CUX2: variants seen among roughly 807,000 people sequenced by gnomAD.
The protein encoded by CUX2 is homeobox protein cut-like 2.
In CUX2, 40 loss-of-function variants were observed where a neutral mutation model predicts 144.8. The observed-to-expected ratio is 0.28, with a 90% confidence interval of 0.21 to 0.36. The LOEUF is 0.36. Among genes scored for constraint, CUX2 ranks in the 10% least tolerant of loss-of-function variants. The pLI is 1.00. For synonymous variants in CUX2, 827 were observed against 875.6 expected (o/e 0.94, Z 0.98); for missense variants, 1,615 against 1,994.0 (o/e 0.81, Z 3.62).
chr12:111,234,368 A>G (rs986215747), intron 3 of CUX2, among the ~76,000 whole-genome samples: 2 of 152,184 alleles, frequency 1.3e-5, no homozygotes, highest in Admixed American at 6.5e-5. Flanking sequence ...AGCTCCTACT[A>G]TGCATTCTTC....
In CUX2 at chr12:111,295,494, C is replaced by G. The variant is rs1450308194; in HGVS notation, c.637+85C>G. 8.5e-7 allele frequency: 1 copy of G among 1,179,512 alleles called. No individual in the cohort carries two copies. The highest frequency in any genetic ancestry group is 1.6e-5 in the African/African-American group (1 of 64,424). 73.1% of individuals were successfully genotyped at this position (1,179,512 alleles called of 1,614,324 possible). A position where few individuals can be genotyped will look rare whatever the true frequency, so the allele number is the denominator to read the frequency against. On this transcript the variant is annotated intron_variant, in intron 7 of 21. Transcript: ENST00000261726. This position sits in a 1 kb window ranked among gnomAD's most constrained non-coding sequence, Gnocchi z 5.0. The stretch of plus-strand genomic sequence containing the variant: ...ACGAGGGGTCACGGCTTGGGGTCTG[C>G]CACATCCAGGTGTTTTAGAATCAAG...
At chr12:111,227,113 C>T (rs541299438) in intron 3 of CUX2, among the ~76,000 whole-genome samples, 11 of 152,282 alleles carry the variant, frequency 7.2e-5, no homozygotes, top group African/African-American at 2.6e-4. Flanking sequence ...TTTATCTGGT[C>T]AGTAGATGTT....
At chr12:111,291,285 G>A (rs1885666466) in intron 4 of CUX2, 133 bp from the exon 5 acceptor site, 1 of 1,120,300 alleles carries the variant, frequency 8.9e-7, no homozygotes. Flanking sequence ...AGAGCAGAAA[G>A]TCCATGCTAC....
intron 1 of CUX2, among the ~76,000 whole-genome samples, chr12:111,139,931 C>A (rs536447292): frequency 6.6e-6 from 1 of 152,284 alleles, no homozygotes; most frequent in Non-Finnish European, 1.5e-5. Context: ...GCCGTGTGAC[C>A]TTGGGTAAGT....
At chr12:111,342,836 A>G (rs1024348515) in intron 21 of CUX2, among the ~76,000 whole-genome samples, 2 of 150,806 alleles carry the variant, frequency 1.3e-5, no homozygotes, top group African/African-American at 4.9e-5. Flanking sequence ...GTGCATGCCT[A>G]TAGTGTCAAC....
chr12:111,199,006 C>T (rs1227391705), intron 1 of CUX2, among the ~76,000 whole-genome samples: 5 of 152,108 alleles, frequency 3.3e-5, no homozygotes, highest in East Asian at 1.9e-4. Context: ...AGATGATTCA[C>T]GTTTTGAGCG....
At chr12:111,042,522 C>G (rs1177593961) in intron 1 of CUX2, among the ~76,000 whole-genome samples, 1 of 152,240 alleles carries the variant, frequency 6.6e-6, no homozygotes. Flanking sequence ...CTGCCACTTA[C>G]CAGCTGTGTG....
chr12:111,305,254 A>G (rs1399207367), intron 10 of CUX2, among the ~76,000 whole-genome samples: 1 of 152,172 alleles, frequency 6.6e-6, no homozygotes, highest in African/African-American at 2.4e-5. Context: ...GGTGAGATTC[A>G]TGATTCCTTA....
rs1476658465 is a variant in CUX2, at chr12:111,059,655, G to T, written c.63+25415G>T. Among the ~76,000 whole-genome samples the T allele has an allele frequency of 6.6e-6, 1 of 152,096 alleles. No individual in the cohort carries two copies. Among genetic ancestry groups the T allele is most frequent in the Admixed American group, 6.6e-5 (1 of 15,266 alleles). Reference sequence around the variant, plus strand: ...TGGCAGGAGCCAGATCACCTTGAGGGCTATGGTGAGGAGGTGGGATTGTTT... The same window carrying T: ...TGGCAGGAGCCAGATCACCTTGAGGTCTATGGTGAGGAGGTGGGATTGTTT... On this transcript the variant is annotated intron_variant, in intron 1 of 21. Coordinates refer to ENST00000261726, the MANE Select transcript of CUX2 (RefSeq NM_015267.4). The surrounding 1 kb of genome is among the most constrained non-coding windows in gnomAD (Gnocchi z 5.3).
At chr12:111,302,982 G>C (rs928221016) in intron 9 of CUX2, among the ~76,000 whole-genome samples, 6 of 151,456 alleles carry the variant, frequency 4.0e-5, no homozygotes, top group Non-Finnish European at 7.4e-5. Flanking sequence ...AGCACTTTGG[G>C]AAGCCAAGGC....
chr12:111,176,255 C>A (rs1878852948), intron 1 of CUX2, among the ~76,000 whole-genome samples: 2 of 151,664 alleles, frequency 1.3e-5, no homozygotes, highest in African/African-American at 4.8e-5. Flanking sequence ...CTATATTGCC[C>A]AGGCTGGTCT....
intron 1 of CUX2, among the ~76,000 whole-genome samples, chr12:111,120,398 T>A (rs750155818): frequency 6.0e-4 from 92 of 152,162 alleles, no homozygotes; most frequent in Admixed American, 1.6e-3. Context: ...TCAAATCACG[T>A]CTCCTTCCCC....
chr12:111,343,761 A>C (rs1888677946), intron 21 of CUX2, among the ~76,000 whole-genome samples: 1 of 152,216 alleles, frequency 6.6e-6, no homozygotes, highest in South Asian at 2.1e-4. Flanking sequence ...GTATAAACAC[A>C]TTATAAAATA....
intron 1 of CUX2, among the ~76,000 whole-genome samples, chr12:111,181,392 T>G (rs145080996): frequency 6.6e-6 from 1 of 152,366 alleles, no homozygotes; most frequent in Non-Finnish European, 1.5e-5. Flanking sequence ...GAGGCGCCGG[T>G]AATAATGCAC....
At chr12:111,250,508 T>C (rs1163353173) in intron 3 of CUX2, among the ~76,000 whole-genome samples, 1 of 152,134 alleles carries the variant, frequency 6.6e-6, no homozygotes, top group Non-Finnish European at 1.5e-5. Context: ...AAGCTCTAGA[T>C]TAAAATTGGA....
rs1227047616 is a variant in CUX2 at position 111,328,941 on chromosome 12, A to ATCTCTCTCTCTCTCTC, written c.2927-5481_2927-5466dup. Among the ~76,000 whole-genome samples, 43 of 28,992 alleles carry ATCTCTCTCTCTCTCTC rather than the reference A, an allele frequency of 1.5e-3. 6 individuals are homozygous for ATCTCTCTCTCTCTCTC. Among genetic ancestry groups the ATCTCTCTCTCTCTCTC allele is most frequent in the East Asian group, 9.1e-3 (2 of 220 alleles). 19.0% of individuals were successfully genotyped at this position (28,992 alleles called of 152,430 possible). On this transcript the variant is annotated intron_variant, in intron 18 of 21. Coordinates refer to ENST00000261726, the MANE Select transcript of CUX2 (RefSeq NM_015267.4). ...CACTCTGCATTTTTTTGATTCACCT[A>ATCTCTCTCTCTCTCTC]TCTCTCTCTCTCTCTCTCTCTCTCT...
chr12:111,244,290 C>T (rs1012760658), intron 3 of CUX2, among the ~76,000 whole-genome samples: 2 of 152,230 alleles, frequency 1.3e-5, no homozygotes, highest in Admixed American at 6.5e-5. Context: ...CTGAGAAAGT[C>T]GGCCTAGAGA....
Position 111,310,190 on chromosome 12 carries a change from C to T in CUX2, c.1408C>T (p.Pro470Ser). 2 of 1,538,356 alleles carry T rather than the reference C, an allele frequency of 1.3e-6. No individual in the cohort carries two copies. The highest frequency in any genetic ancestry group is 1.7e-6 in the Non-Finnish European group (2 of 1,143,896). Residue 470 changes from proline (P) to serine (S), a missense_variant, in exon 15 of 22, where the codon CCT becomes TCT. By Grantham distance (74) the Pro-to-Ser change is moderately conservative. Around this residue, in one of 12 missense-constraint regions of CUX2, gnomAD observed 154 missense variants for 148.4 expected, o/e 1.04. Coordinates refer to ENST00000261726, the MANE Select transcript of CUX2 (RefSeq NM_015267.4). The surrounding 1 kb of genome is among the most constrained non-coding windows in gnomAD (Gnocchi z 7.9). Reference sequence around the variant, plus strand: ...GCCCCTGCTGGGCCCCAGCTTGGGGCCTGACGGCACTCGGACTTTCTCGCT... The same window carrying T: ...GCCCCTGCTGGGCCCCAGCTTGGGGTCTGACGGCACTCGGACTTTCTCGCT... The part of the protein sequence containing the change: ...GQPLLGPSLG[P>S]DGTRTFSLSP...
At chr12:111,229,347 G>T (rs561747818) in intron 3 of CUX2, among the ~76,000 whole-genome samples, 2 of 152,302 alleles carry the variant, frequency 1.3e-5, no homozygotes, top group African/African-American at 4.8e-5. Flanking sequence ...CTAGATGTGG[G>T]TGTCCTCTCT....
Sources: allele counts gnomAD v4.1 joint callset (sites outside exome capture counted in the v4.1 genomes callset), GRCh38; gene constraint gnomAD v4.1.1; regional missense constraint gnomAD v4.1.1; non-coding constraint Gnocchi (gnomAD v3.1); transcripts MANE v1.5; gene names NCBI Gene and HGNC (gene_info 2026-07-23, HGNC 2026-07-21).